The following PRKCA variants were observed in gnomAD, a reference collection of about 807,000 sequenced individuals.
PRKCA encodes protein kinase C alpha.
Under a neutral mutation model 87.0 loss-of-function variants are expected in PRKCA, and 27 were observed. The ratio of observed to expected loss-of-function variants is 0.31; its 90% CI spans 0.23 to 0.43. PRKCA has a LOEUF of 0.43. PRKCA is among the 20% of genes least tolerant of loss of function. The probability of loss-of-function intolerance (pLI) is 1.00; values close to 1 mark genes in which losing one functional copy is unlikely to be tolerated. For synonymous variants in PRKCA, 329 were observed against 311.1 expected (o/e 1.06, Z -0.61); for missense variants, 518 against 852.3 (o/e 0.61, Z 4.88).
chr17:66,332,773 G>A (rs938818248), intron 2 of PRKCA, among the ~76,000 whole-genome samples: 1 of 150,338 alleles, frequency 6.7e-6, no homozygotes, highest in Non-Finnish European at 1.5e-5. Context: ...CTCACTGCAA[G>A]CTCCACCTCC....
chr17:66,410,637 G>A (rs1235917986), intron 2 of PRKCA, among the ~76,000 whole-genome samples: 1 of 152,060 alleles, frequency 6.6e-6, no homozygotes, highest in Non-Finnish European at 1.5e-5. Context: ...GTGTGGTGGC[G>A]CGATCTCGGC....
intron 2 of PRKCA, among the ~76,000 whole-genome samples, chr17:66,361,936 G>A (rs1017386736): frequency 2.6e-5 from 4 of 152,214 alleles, no homozygotes; most frequent in Non-Finnish European, 4.4e-5. Context: ...TTTCCCCACA[G>A]CCTTGCTATA....
intron 2 of PRKCA, among the ~76,000 whole-genome samples, chr17:66,389,310 TC>T (rs1423089152): frequency 1.3e-5 from 2 of 152,148 alleles, no homozygotes; most frequent in African/African-American, 4.8e-5. Flanking sequence ...CACTTGGGCC[TC>T]CCAGAGGCAG....
Position 66,792,663 on chromosome 17 carries a change from A to C in PRKCA, c.1854+3684A>C, listed in dbSNP as rs1015963108. Among the ~76,000 whole-genome samples, 1 of 152,270 alleles carries C rather than the reference A, an allele frequency of 6.6e-6. No individual in the cohort carries two copies. The highest frequency in any genetic ancestry group is 1.5e-5 in the Non-Finnish European group (1 of 68,042). The stretch of plus-strand genomic sequence containing the variant: ...TCCATCTCACGGCGACATTAAGATC[A>C]AGATCTGCAGTACAGCTGTGGGCTG... On this transcript the variant is annotated intron_variant, in intron 16 of 16. Coordinates refer to ENST00000413366, the MANE Select transcript of PRKCA (RefSeq NM_002737.3). This position sits in a 1 kb window ranked among gnomAD's most constrained non-coding sequence, Gnocchi z 4.5.
At chr17:66,715,113 A>C (rs1049650545) in intron 8 of PRKCA, among the ~76,000 whole-genome samples, 1 of 150,194 alleles carries the variant, frequency 6.7e-6, no homozygotes. Flanking sequence ...CGGGGATAGG[A>C]TGTGTTTTGT....
rs143220512 is a variant in PRKCA at position 66,716,631 on chromosome 17, A to G, written c.919-16057A>G. On this transcript the variant is annotated intron_variant, in intron 8 of 16. Transcript: ENST00000413366. ...CACCACCAAGATTAGCGATCCTAAC[A>G]GATGTGTCAATTATCAACAGACAAA... Among the ~76,000 whole-genome samples the G allele has an allele frequency of 1.5e-3, 235 of 152,344 alleles. 2 individuals carry two copies. Among genetic ancestry groups the G allele is most frequent in the African/African-American group, 5.3e-3 (220 of 41,576 alleles).
intron 3 of PRKCA, among the ~76,000 whole-genome samples, chr17:66,555,948 C>T (rs1334760805): frequency 6.6e-6 from 1 of 151,990 alleles, no homozygotes; most frequent in Admixed American, 6.6e-5. Context: ...AAATATAGAG[C>T]CTTCTCATTT....
At position 66,520,031 on chromosome 17, in the gene PRKCA, TTTTG is replaced by T. The variant is rs576007020; in HGVS notation, c.288+23766_288+23769del. On this transcript the variant is annotated intron_variant, in intron 3 of 16. Transcript: ENST00000413366. ...TTGGAAGGCCAGGATAACTGGTTTG[TTTTG>T]TTTGTTTGTTTGTTTGTCTGTTTTG... Among the ~76,000 whole-genome samples the T allele has an allele frequency of 8.2e-4, 125 of 152,238 alleles. 1 individual carries two copies. Among genetic ancestry groups the T allele is most frequent in the Non-Finnish European group, 1.3e-3 (91 of 68,004 alleles).
At chr17:66,539,080 C>T (rs1163734458) in intron 3 of PRKCA, among the ~76,000 whole-genome samples, 1 of 152,246 alleles carries the variant, frequency 6.6e-6, no homozygotes, top group African/African-American at 2.4e-5. Flanking sequence ...CAAAGCTCAT[C>T]TGTTCACAGG....
chr17:66,315,729 C>G (rs1391954788), intron 2 of PRKCA, among the ~76,000 whole-genome samples: 2 of 152,284 alleles, frequency 1.3e-5, no homozygotes, highest in African/African-American at 4.8e-5. Context: ...ATCCGCCTGC[C>G]TCGGCCTCCC....
chr17:66,369,902 A>G (rs1462870361), intron 2 of PRKCA, among the ~76,000 whole-genome samples: 1 of 152,236 alleles, frequency 6.6e-6, no homozygotes, highest in Non-Finnish European at 1.5e-5. Flanking sequence ...GCCTGTTTGC[A>G]TCACTGCCAG....
intron 2 of PRKCA, among the ~76,000 whole-genome samples, chr17:66,435,779 G>A (rs948092709): frequency 2.6e-5 from 4 of 152,180 alleles, no homozygotes; most frequent in African/African-American, 9.7e-5. Context: ...CTTAAGCTGT[G>A]TCTTAAAGCC....
intron 5 of PRKCA, among the ~76,000 whole-genome samples, chr17:66,664,648 T>G (rs1446949896): frequency 2.4e-5 from 1 of 42,132 alleles, no homozygotes; most frequent in Non-Finnish European, 4.1e-5. Context: ...TTTGCTTTGG[T>G]TTTTTTTTTT....
At chr17:66,405,457 C>T (rs1483612975) in intron 2 of PRKCA, among the ~76,000 whole-genome samples, 4 of 152,168 alleles carry the variant, frequency 2.6e-5, no homozygotes, top group Non-Finnish European at 5.9e-5. Context: ...GGGTCCAGCC[C>T]TTGCTTTCCT....
chr17:66,595,935 T>G (rs1317884401), intron 3 of PRKCA, among the ~76,000 whole-genome samples: 1 of 152,204 alleles, frequency 6.6e-6, no homozygotes, highest in Non-Finnish European at 1.5e-5. Context: ...CATCAAGCCT[T>G]GGAAATGTAA....
At chr17:66,539,061 A>G (rs1054192486) in intron 3 of PRKCA, among the ~76,000 whole-genome samples, 5 of 152,202 alleles carry the variant, frequency 3.3e-5, no homozygotes, top group African/African-American at 4.8e-5. Context: ...TTCTGATCTC[A>G]ACACTTACCA....
At chr17:66,478,566 A>G (rs1567849574) in intron 2 of PRKCA, among the ~76,000 whole-genome samples, 1 of 152,092 alleles carries the variant, frequency 6.6e-6, no homozygotes, top group African/African-American at 2.4e-5. Flanking sequence ...TATTCAACTT[A>G]TTTTTTAAAT....
chr17:66,343,870 G>C (rs1375796385), intron 2 of PRKCA, among the ~76,000 whole-genome samples: 2 of 152,098 alleles, frequency 1.3e-5, no homozygotes, highest in Non-Finnish European at 2.9e-5. Flanking sequence ...TGGACCAGGT[G>C]ACCTTGGGCT....
intron 3 of PRKCA, among the ~76,000 whole-genome samples, chr17:66,595,149 C>A (rs1055612024): frequency 1.5e-4 from 23 of 152,132 alleles, no homozygotes; most frequent in African/African-American, 5.3e-4. Flanking sequence ...CCTGTTCCTC[C>A]AATTTTCAAA....
Sources: allele counts gnomAD v4.1 joint callset (sites outside exome capture counted in the v4.1 genomes callset), GRCh38; gene constraint gnomAD v4.1.1; non-coding constraint Gnocchi (gnomAD v3.1); transcripts MANE v1.5; gene names NCBI Gene and HGNC (gene_info 2026-07-23, HGNC 2026-07-21).